Variants in IGFN1 observed in about 807,000 individuals in gnomAD.
The protein encoded by IGFN1 is immunoglobulin-like and fibronectin type III domain-containing protein 1.
Under a neutral mutation model 289.5 loss-of-function variants are expected in IGFN1, and 253 were observed. The ratio of observed to expected loss-of-function variants is 0.87; its 90% CI spans 0.79 to 0.97. The LOEUF (loss-of-function observed/expected upper bound fraction) is 0.97. Ranked by LOEUF, IGFN1 falls within the 50% of genes least tolerant of loss-of-function variation. The probability of loss-of-function intolerance (pLI) is 0.00; values close to 1 mark genes in which losing one functional copy is unlikely to be tolerated. For missense variants in IGFN1, 4,470 were observed against 4,686.1 expected, an observed-to-expected ratio of 0.95 and a Z score of 1.35; for synonymous variants, 1,706 against 1,788.5, an observed-to-expected ratio of 0.95 and a Z score of 1.16.
At position 201,211,349 on chromosome 1, in the gene IGFN1, G is replaced by A. The variant is rs1430277563; in HGVS notation, c.6456G>A (p.Met2152Ile). The A allele has an allele frequency of 5.4e-6, 8 of 1,490,494 alleles. No homozygotes were observed. Among genetic ancestry groups the A allele is most frequent in the African/African-American group, 4.2e-5 (3 of 70,926 alleles). 92.3% of individuals were successfully genotyped at this position (1,490,494 alleles called of 1,614,324 possible). A position where few individuals can be genotyped will look rare whatever the true frequency, so the allele number is the denominator to read the frequency against. ...AGGATTTGGGGGCTCCTAAGGGAAT[G>A]GGTTCAGAGAGTAAGGCAGGTTTTA... Reference protein sequence around the residue: ...YRKDLGAPKGMGSESKAGFRD... With the variant: ...YRKDLGAPKGIGSESKAGFRD... The change falls in exon 12 of 24, where the codon ATG (methionine) becomes ATA (isoleucine). Residue 2152 changes from methionine (M) to isoleucine (I), a missense_variant. Physicochemically the swap from Met to Ile is conservative, Grantham distance 10. Around this residue, in one of 8 missense-constraint regions of IGFN1, gnomAD observed 2,218 missense variants for 2,114.1 expected, o/e 1.05. Transcript: ENST00000335211.
In IGFN1 at chr1:201,194,147, T is replaced by C; in HGVS notation, c.8-7T>C. 1 of 1,551,190 alleles carries C rather than the reference T, an allele frequency of 6.4e-7. No homozygotes were observed. The highest frequency in any genetic ancestry group is 1.2e-5 in the South Asian group (1 of 84,036). ...GGCCCCATCTCCTTCCCTCCTGCAT[T>C]CTCCAGGAAAGCTCCGGAAGTCCCA... On this transcript the variant is annotated splice_polypyrimidine_tract_variant and splice_region_variant and intron_variant, in intron 2 of 23. Coordinates refer to ENST00000335211, the MANE Select transcript of IGFN1 (RefSeq NM_001164586.2).
chr1:201,218,408 G>A (rs972181029), intron 17 of IGFN1, 122 bp from the exon 18 acceptor site: 2 of 868,630 alleles, frequency 2.3e-6, no homozygotes, highest in Non-Finnish European at 3.5e-6. Flanking sequence ...CGGGTGGAGG[G>A]ATGTAGGGAG....
intron 5 of IGFN1, among the ~76,000 whole-genome samples, chr1:201,199,066 G>A (rs1172266302): frequency 6.6e-6 from 1 of 152,198 alleles, no homozygotes; most frequent in Non-Finnish European, 1.5e-5. Context: ...CCTGGCCCCT[G>A]CGGACACATG....
rs1293620750 is a variant in IGFN1, at chr1:201,199,316, C to T, written c.368-18C>T. On this transcript the variant is annotated intron_variant, in intron 5 of 23. Coordinates refer to ENST00000335211, the MANE Select transcript of IGFN1 (RefSeq NM_001164586.2). The stretch of plus-strand genomic sequence containing the variant: ...CTTGTCCACATCGACTCCTTCCTCT[C>T]CTCCCTGGATGTTGCAGTTGGCTTT... 5.8e-6 allele frequency: 9 copies of T among 1,551,418 alleles called. No individual in the cohort carries two copies. The highest frequency in any genetic ancestry group is 7.8e-6 in the Non-Finnish European group (9 of 1,146,578).
chr1:201,224,644 C>G (rs750790033), intron 20 of IGFN1, 35 bp from the exon 21 acceptor site: 1 of 1,590,094 alleles, frequency 6.3e-7, no homozygotes, highest in Admixed American at 1.7e-5. Context: ...CTGCCAGCTT[C>G]CCCTTCTCAA....
intron 18 of IGFN1, among the ~76,000 whole-genome samples, chr1:201,219,957 C>G (rs1257064471): frequency 1.6e-5 from 2 of 126,444 alleles, no homozygotes; most frequent in Non-Finnish European, 3.6e-5. Flanking sequence ...CTTTCTCTCT[C>G]TCCTTCTCTC....
chr1:201,193,435 AT>A, intron 2 of IGFN1, 135 bp downstream of exon 2: 1 of 635,402 alleles, frequency 1.6e-6, no homozygotes, highest in Non-Finnish European at 2.7e-6. Context: ...TCCTTATTTT[AT>A]TTTATTTTAT....
At position 201,200,828 on chromosome 1, in the gene IGFN1, C is replaced by CTTTTT. The variant is rs200585317; in HGVS notation, c.633+420_633+421insTTTTT. On this transcript the variant is annotated intron_variant, in intron 8 of 23. Transcript: ENST00000335211. ...CGGGGGGGAGGTACCTGGTTTATTTCTTTCTTTTTTTTTTTTTTTTTAAGA... is the reference window on the plus strand; with the variant it reads ...CGGGGGGGAGGTACCTGGTTTATTTCTTTTTTTTCTTTTTTTTTTTTTTTTTAAGA... Among the ~76,000 whole-genome samples the CTTTTT allele has an allele frequency of 2.6e-5, 3 of 114,406 alleles. 1 individual carries two copies. Among genetic ancestry groups the CTTTTT allele is most frequent in the African/African-American group, 3.3e-5 (1 of 30,566 alleles). 75.1% of individuals were successfully genotyped at this position (114,406 alleles called of 152,430 possible).
Position 201,214,166 on chromosome 1 carries a change from T to C in IGFN1, c.8729-11T>C. On this transcript the variant is annotated splice_polypyrimidine_tract_variant and intron_variant, in intron 12 of 23. Transcript: ENST00000335211. ...CGCTCGGCCCTGGGGATTCCCTCTG[T>C]GTCTCTCCAGGCCCCATGGGCCACT... 1 of 1,607,002 alleles carries C rather than the reference T, an allele frequency of 6.2e-7. No individual in the cohort carries two copies. Among genetic ancestry groups the C allele is most frequent in the Non-Finnish European group, 8.5e-7 (1 of 1,176,610 alleles).
At position 201,227,070 on chromosome 1, in the gene IGFN1, G is replaced by A. The variant is rs139902323; in HGVS notation, c.10975G>A (p.Ala3659Thr). The A allele has an allele frequency of 1.9e-3, 3,054 of 1,613,640 alleles. 49 individuals carry two copies. In the African/African-American group the frequency reaches 0.032, roughly 17 times the overall value. The change falls in exon 23 of 24, where the codon GCG (alanine) becomes ACG (threonine). Residue 3659 changes from alanine to threonine, a missense_variant. Physicochemically the swap from Ala to Thr is moderately conservative, Grantham distance 58. This residue lies in a region of IGFN1 where 2,218 missense variants were observed against 2,114.1 expected (regional missense o/e 1.05). Coordinates refer to ENST00000335211, the MANE Select transcript of IGFN1 (RefSeq NM_001164586.2). ...KNDRSLEGNPAVYSTDLLGVC... is the reference protein window; with the variant it reads ...KNDRSLEGNPTVYSTDLLGVC... ...TGACCGCAGCCTGGAAGGAAACCCC[G>A]CGGTGTACAGCACTGACCTGCTGGG...
In IGFN1 at chr1:201,225,897, C is replaced by G. The variant is rs746400865; in HGVS notation, c.10560C>G (p.Pro3520=). 11 of 1,612,390 alleles carry G rather than the reference C, an allele frequency of 6.8e-6. No homozygotes were observed. The highest frequency in any genetic ancestry group is 8.5e-6 in the Non-Finnish European group (10 of 1,179,342). ...GGACGGTGACGGCCGAGTGGGAACC[C>G]TCTCCTGACGAGGCCCAGGATGTCC... ...VPGTVTAEWE[P]SPDEAQDVPL... is the part of the protein sequence containing the mutation. The change falls in exon 22 of 24, where the codon CCC becomes CCG. Residue 3520 remains proline, a synonymous_variant. Transcript: ENST00000335211.
At chr1:201,197,587 T>G (rs559710673) in intron 5 of IGFN1, among the ~76,000 whole-genome samples, 1 of 152,374 alleles carries the variant, frequency 6.6e-6, no homozygotes, top group African/African-American at 2.4e-5. Flanking sequence ...AGCTGGCTTC[T>G]AGTCCTAGAG....
intron 6 of IGFN1, 106 bp from the exon 7 acceptor site, chr1:201,199,503 C>A: frequency 2.8e-6 from 4 of 1,406,256 alleles, no homozygotes; most frequent in Non-Finnish European, 3.9e-6. Flanking sequence ...TTCAAGAGAG[C>A]CCCTTCCAAA....
rs1269320717 is a variant in IGFN1 at position 201,194,261 on chromosome 1, G to A, written c.115G>A (p.Ala39Thr). Residue 39 changes from alanine (A) to threonine (T), a missense_variant, in exon 3 of 24, where the codon GCT (alanine) becomes ACT (threonine). By Grantham distance (58) the Ala-to-Thr change is moderately conservative. Around this residue, in one of 8 missense-constraint regions of IGFN1, gnomAD observed 2,011 missense variants for 1,953.4 expected, o/e 1.03. Transcript: ENST00000335211. Reference protein sequence around the residue: ...PDFEQKPVTSALPEGKNAVFR... With the variant: ...PDFEQKPVTSTLPEGKNAVFR... ...CTTTGAGCAGAAGCCCGTCACCTCG[G>A]CTCTGCCAGAGGGTGAGCCCAGAGG... The A allele has an allele frequency of 1.3e-6, 2 of 1,551,512 alleles. No homozygotes were observed. The highest frequency in any genetic ancestry group is 1.7e-6 in the Non-Finnish European group (2 of 1,146,920).
intron 15 of IGFN1, 193 bp downstream of exon 15, chr1:201,216,031 T>C (rs1358921000): frequency 2.7e-6 from 2 of 735,152 alleles, no homozygotes; most frequent in Admixed American, 4.0e-5. Flanking sequence ...AACACAGTGC[T>C]GGGCTCCTGC....
chr1:201,224,538 T>C (rs1006760876), intron 20 of IGFN1, 141 bp from the exon 21 acceptor site: 4 of 663,164 alleles, frequency 6.0e-6, no homozygotes, highest in Non-Finnish European at 1.0e-5. Flanking sequence ...TGTTTTCTTG[T>C]CGACGTTGTG....
chr1:201,202,973 C>G (rs1667231591), intron 9 of IGFN1, among the ~76,000 whole-genome samples: 1 of 152,096 alleles, frequency 6.6e-6, no homozygotes, highest in South Asian at 2.1e-4. Flanking sequence ...GCCAGCTGGT[C>G]TTGAACTCTT....
At chr1:201,204,183 G>T (rs1667293439) in intron 10 of IGFN1, among the ~76,000 whole-genome samples, 1 of 152,116 alleles carries the variant, frequency 6.6e-6, no homozygotes, top group Admixed American at 6.5e-5. Flanking sequence ...ACCTTCTCTA[G>T]CCATCAATTA....
chr1:201,204,957 G>C, intron 10 of IGFN1, 125 bp from the exon 11 acceptor site: 1 of 943,228 alleles, frequency 1.1e-6, no homozygotes, highest in Non-Finnish European at 1.6e-6. Flanking sequence ...ACCTGTCCAA[G>C]GTAACATGGG....
Sources: allele counts gnomAD v4.1 joint callset (sites outside exome capture counted in the v4.1 genomes callset), GRCh38; gene constraint gnomAD v4.1.1; regional missense constraint gnomAD v4.1.1; transcripts MANE v1.5; gene names NCBI Gene and HGNC (gene_info 2026-07-23, HGNC 2026-07-21).